Variants in UBE2H observed in about 807,000 individuals in gnomAD.
UBE2H encodes the protein ubiquitin conjugating enzyme E2 H, also known as ubiquitin-conjugating enzyme E2 H.
UBE2H carries 3 observed loss-of-function variants against 29.0 expected under a neutral mutation model. The observed-to-expected ratio is 0.10, with a 90% CI of 0.05 to 0.27. The LOEUF (loss-of-function observed/expected upper bound fraction) is 0.27. UBE2H is among the 10% of genes least tolerant of loss of function. The pLI is 1.00. For synonymous variants in UBE2H, 69 were observed against 82.9 expected, an observed-to-expected ratio of 0.83 and a Z score of 0.91; for missense variants, 68 against 228.2, an observed-to-expected ratio of 0.30 and a Z score of 4.52.
At chr7:129,861,566 G>C (rs1805803833) in intron 3 of UBE2H, among the ~76,000 whole-genome samples, 1 of 152,096 alleles carries the variant, frequency 6.6e-6, no homozygotes, top group South Asian at 2.1e-4. Context: ...AATTTTAATA[G>C]TTGAGCTTAA....
intron 5 of UBE2H, among the ~76,000 whole-genome samples, chr7:129,853,168 G>A (rs896404258): frequency 2.6e-5 from 4 of 152,170 alleles, no homozygotes; most frequent in Admixed American, 1.3e-4. Context: ...AAGCTGTATC[G>A]CAGTGAAGGC....
At chr7:129,847,521 T>A (rs1475918288) in intron 5 of UBE2H, among the ~76,000 whole-genome samples, 1 of 151,922 alleles carries the variant, frequency 6.6e-6, no homozygotes, top group Admixed American at 6.6e-5. Context: ...CTCTCTTTTT[T>A]TTTTTCCAGA....
At chr7:129,917,054 A>AAG (rs1208092665) in intron 1 of UBE2H, among the ~76,000 whole-genome samples, 5 of 149,462 alleles carry the variant, frequency 3.3e-5, no homozygotes, top group Admixed American at 3.3e-4. Context: ...AAAAAAAAAA[A>AAG]CACAGCTGGG....
intron 1 of UBE2H, among the ~76,000 whole-genome samples, chr7:129,926,461 A>T (rs1482298686): frequency 6.6e-6 from 1 of 150,896 alleles, no homozygotes; most frequent in Non-Finnish European, 1.5e-5. Flanking sequence ...GTGAGCTGAG[A>T]TCACACCATT....
At chr7:129,851,673 C>T (rs1357264093) in intron 5 of UBE2H, among the ~76,000 whole-genome samples, 1 of 152,222 alleles carries the variant, frequency 6.6e-6, no homozygotes, top group African/African-American at 2.4e-5. Context: ...CAGAGCCATA[C>T]CCTGGCTGGC....
intron 6 of UBE2H, among the ~76,000 whole-genome samples, chr7:129,837,389 G>A (rs1054071763): frequency 6.6e-6 from 1 of 152,210 alleles, no homozygotes; most frequent in African/African-American, 2.4e-5. Context: ...GAAAGGTCCA[G>A]CAAAATGGGA....
chr7:129,899,936 T>C (rs530036332), intron 1 of UBE2H, among the ~76,000 whole-genome samples: 1 of 152,216 alleles, frequency 6.6e-6, no homozygotes, highest in African/African-American at 2.4e-5. Flanking sequence ...GAGACCAGCC[T>C]AGCCAATATG....
chr7:129,889,137 A>C (rs1408931817), intron 1 of UBE2H, among the ~76,000 whole-genome samples: 2 of 152,234 alleles, frequency 1.3e-5, no homozygotes, highest in Non-Finnish European at 2.9e-5. Context: ...AGGGCTCCGA[A>C]GTGTGGATTT....
chr7:129,876,052 A>T (rs1296176908), intron 3 of UBE2H, among the ~76,000 whole-genome samples: 1 of 152,132 alleles, frequency 6.6e-6, no homozygotes, highest in Non-Finnish European at 1.5e-5. Context: ...CACCTCTCCT[A>T]AAAAACAATG....
chr7:129,851,246 C>T (rs530207370), intron 5 of UBE2H, among the ~76,000 whole-genome samples: 2 of 152,294 alleles, frequency 1.3e-5, no homozygotes, highest in East Asian at 1.9e-4. Context: ...AAACAATTCT[C>T]GTCTATTTGG....
intron 1 of UBE2H, among the ~76,000 whole-genome samples, chr7:129,946,306 G>T (rs1444991624): frequency 6.6e-6 from 1 of 151,530 alleles, no homozygotes; most frequent in Non-Finnish European, 1.5e-5. Flanking sequence ...TGATTTGTCT[G>T]CCTCAACCTC....
chr7:129,842,796 G>C (rs1025335555), intron 5 of UBE2H, among the ~76,000 whole-genome samples: 1 of 151,896 alleles, frequency 6.6e-6, no homozygotes, highest in African/African-American at 2.4e-5. Context: ...CCAGCTACTT[G>C]GGAGGCTGAG....
At chr7:129,907,413 G>C (rs574512545) in intron 1 of UBE2H, among the ~76,000 whole-genome samples, 1 of 152,280 alleles carries the variant, frequency 6.6e-6, no homozygotes, top group Admixed American at 6.5e-5. Context: ...GAATATCATA[G>C]GCAGGGTACA....
chr7:129,858,839 C>A, intron 4 of UBE2H, 63 bp downstream of exon 4: 2 of 1,488,406 alleles, frequency 1.3e-6, no homozygotes, highest in Non-Finnish European at 1.9e-6. Flanking sequence ...TTTTATAACA[C>A]AGAGAAACAC....
intron 1 of UBE2H, among the ~76,000 whole-genome samples, chr7:129,916,689 A>G (rs1309524197): frequency 6.6e-6 from 1 of 152,174 alleles, no homozygotes; most frequent in East Asian, 1.9e-4. Context: ...CATCCTGTCC[A>G]CTAGCCTAAA....
At chr7:129,855,282 C>T (rs1395876366) in intron 5 of UBE2H, among the ~76,000 whole-genome samples, 1 of 152,136 alleles carries the variant, frequency 6.6e-6, no homozygotes, top group Non-Finnish European at 1.5e-5. Flanking sequence ...AAAGCTTTAG[C>T]AAAACTAAAC....
intron 3 of UBE2H, among the ~76,000 whole-genome samples, chr7:129,860,815 A>G (rs1256436765): frequency 6.6e-6 from 1 of 152,228 alleles, no homozygotes; most frequent in Non-Finnish European, 1.5e-5. Flanking sequence ...CAAGTATAGG[A>G]AAACTGTACT....
chr7:129,936,990 C>T (rs964045597), intron 1 of UBE2H, among the ~76,000 whole-genome samples: 1 of 148,618 alleles, frequency 6.7e-6, no homozygotes, highest in Non-Finnish European at 1.5e-5. Context: ...AAATAACAAA[C>T]AAACAAACAA....
intron 3 of UBE2H, among the ~76,000 whole-genome samples, chr7:129,877,597 T>C (rs1457588998): frequency 2.0e-5 from 3 of 152,208 alleles, no homozygotes; most frequent in Non-Finnish European, 4.4e-5. Flanking sequence ...TACACATTTG[T>C]AGGCATTATC....
Sources: allele counts gnomAD v4.1 joint callset (sites outside exome capture counted in the v4.1 genomes callset), GRCh38; gene constraint gnomAD v4.1.1; transcripts MANE v1.5; gene names NCBI Gene and HGNC (gene_info 2026-07-23, HGNC 2026-07-21).